CPD: variants seen among roughly 807,000 people sequenced by gnomAD.
CPD encodes the protein carboxypeptidase D.
CPD carries 69 observed loss-of-function variants against 138.3 expected under a neutral mutation model. That is an observed-to-expected ratio of 0.50 (90% CI 0.41 to 0.61). CPD has a LOEUF of 0.61. Ranked by LOEUF, CPD falls within the 20% of genes least tolerant of loss-of-function variation. The pLI, the probability that CPD is intolerant of heterozygous loss-of-function variation, is 0.00. For synonymous variants in CPD, 651 were observed against 642.1 expected, an observed-to-expected ratio of 1.01 and a Z score of -0.21; for missense variants, 1,432 against 1,733.3, an observed-to-expected ratio of 0.83 and a Z score of 3.09.
At chr17:30,386,737 TTAACA>T (rs1419899565) in intron 2 of CPD, among the ~76,000 whole-genome samples, 1 of 152,252 alleles carries the variant, frequency 6.6e-6, no homozygotes, top group South Asian at 2.1e-4. Context: ...CTTATTTTTC[TTAACA>T]TAATATTCTT....
At chr17:30,414,308 G>C (rs975643450) in intron 2 of CPD, among the ~76,000 whole-genome samples, 4 of 152,352 alleles carry the variant, frequency 2.6e-5, no homozygotes, top group African/African-American at 7.2e-5. Flanking sequence ...GGGCGCAGTG[G>C]CTCATGCCTG....
rs775935473 is a variant in CPD at position 30,422,764 on chromosome 17, A to G, written c.1398A>G (p.Val466=). The G allele has an allele frequency of 6.2e-7, 1 of 1,613,992 alleles. No homozygotes were observed. Among genetic ancestry groups the G allele is most frequent in the Non-Finnish European group, 8.5e-7 (1 of 1,179,974 alleles). Residue 466 remains valine, a synonymous_variant, in exon 5 of 21, where the codon GTA becomes GTG. Transcript: ENST00000225719. ...CTCTTAGGCCAACTGTAACTTCAGT[A>G]ATCCCTGACACGACAGAGGCTGTAT... ...DFSLRPTVTS[V]IPDTTEAVST... is the part of the protein sequence containing the mutation.
chr17:30,439,496 G>A (rs1226795659), intron 9 of CPD, among the ~76,000 whole-genome samples: 4 of 130,676 alleles, frequency 3.1e-5, no homozygotes, highest in African/African-American at 5.9e-5. Flanking sequence ...CCATGCTGGT[G>A]CGCTGCACCC....
At chr17:30,456,682 A>C in intron 17 of CPD, 156 bp downstream of exon 17, 1 of 607,990 alleles carries the variant, frequency 1.6e-6, no homozygotes, top group Non-Finnish European at 2.9e-6. Context: ...TTTCTACTAA[A>C]AATATAAAAA....
intron 2 of CPD, among the ~76,000 whole-genome samples, chr17:30,396,022 T>G (rs1911498244): frequency 6.6e-6 from 1 of 152,158 alleles, no homozygotes; most frequent in African/African-American, 2.4e-5. Context: ...TTTCCATTGA[T>G]TTGGCCCAGA....
At chr17:30,426,497 C>T (rs1597721362) in intron 6 of CPD, among the ~76,000 whole-genome samples, 1 of 152,180 alleles carries the variant, frequency 6.6e-6, no homozygotes, top group South Asian at 2.1e-4. Flanking sequence ...AGTTGGGAAC[C>T]ACAGGACCAG....
At chr17:30,421,891 T>A in intron 4 of CPD, 58 bp downstream of exon 4, 2 of 1,329,024 alleles carry the variant, frequency 1.5e-6, no homozygotes, top group Non-Finnish European at 2.1e-6. Flanking sequence ...GTTTTATATC[T>A]GAGACAGAAA....
chr17:30,400,929 G>A (rs977804113), intron 2 of CPD, among the ~76,000 whole-genome samples: 1 of 150,456 alleles, frequency 6.6e-6, no homozygotes, highest in Non-Finnish European at 1.5e-5. Flanking sequence ...CGCCCGTCTC[G>A]GCCTCCCAGA....
chr17:30,381,628 A>G lies in CPD; in HGVS notation c.746+1902A>G, dbSNP rs182528968. On this transcript the variant is annotated intron_variant, in intron 1 of 20. Transcript: ENST00000225719. ...CTGTGCTATTAACCAATAACAAAGGACACTGATATGTGAATAAAATTAAAA... is the reference window on the plus strand; with the variant it reads ...CTGTGCTATTAACCAATAACAAAGGGCACTGATATGTGAATAAAATTAAAA... Among the ~76,000 whole-genome samples the G allele has an allele frequency of 3.3e-5, 5 of 152,358 alleles. No individual in the cohort carries two copies. The East Asian group carries it at 9.6e-4, about 29-fold the overall frequency.
rs769768305 is a variant in CPD, at chr17:30,379,697, C to T, written c.717C>T (p.Arg239=). The T allele has an allele frequency of 6.6e-6, 10 of 1,508,536 alleles. No individual in the cohort carries two copies. The South Asian group carries it at 1.1e-4, about 17-fold the overall frequency. The allele number at this position is 1,508,536 out of a possible 1,614,324, so 93.4% of individuals were successfully genotyped here. A position where few individuals can be genotyped will look rare whatever the true frequency, so the allele number is the denominator to read the frequency against. The part of the protein sequence containing the change: ...PPALDEVPEV[R]ALIEWIRRNK... Reference sequence around the variant, plus strand: ...CCCTGGACGAGGTGCCCGAGGTGCGCGCCCTCATCGAGTGGATCCGCAGGA... The same window carrying T: ...CCCTGGACGAGGTGCCCGAGGTGCGTGCCCTCATCGAGTGGATCCGCAGGA... The change falls in exon 1 of 21, where the codon CGC becomes CGT. Residue 239 remains arginine (R), a synonymous_variant. Transcript: ENST00000225719. The surrounding 1 kb of genome is among the most constrained non-coding windows in gnomAD (Gnocchi z 7.0).
At position 30,445,804 on chromosome 17, in the gene CPD, G is replaced by C. The variant is rs769311641; in HGVS notation, c.2657G>C (p.Gly886Ala). 1 of 1,613,994 alleles carries C rather than the reference G, an allele frequency of 6.2e-7. No homozygotes were observed. ...DSNNESKKGK[G>A]ASSSTNDASD... ...AACAATGAATCAAAGAAAGGAAAAG[G>C]GGCTAGCAGCAGCACCAATGATGCC... The change falls in exon 12 of 21, where the codon GGG (glycine) becomes GCG (alanine). Residue 886 changes from glycine to alanine, a missense_variant. By Grantham distance (60) the Gly-to-Ala change is moderately conservative. Coordinates refer to ENST00000225719, the MANE Select transcript of CPD (RefSeq NM_001304.5).
intron 6 of CPD, among the ~76,000 whole-genome samples, chr17:30,426,089 A>G (rs1228274039): frequency 2.0e-5 from 3 of 151,630 alleles, no homozygotes; most frequent in Non-Finnish European, 4.4e-5. Flanking sequence ...AATCCCAGCT[A>G]CTCGGGAGGC....
intron 17 of CPD, 58 bp from the exon 18 acceptor site, chr17:30,461,122 T>C: frequency 7.2e-7 from 1 of 1,385,750 alleles, no homozygotes; most frequent in Non-Finnish European, 9.8e-7. Context: ...TTACAAAGCC[T>C]TATTCTTTCT....
chr17:30,438,076 T>C (rs1912754730), intron 8 of CPD, among the ~76,000 whole-genome samples: 1 of 144,876 alleles, frequency 6.9e-6, no homozygotes, highest in South Asian at 2.3e-4. Context: ...ACTTCTGAGC[T>C]CAAGCAGTTC....
At chr17:30,451,080 A>G (rs948896422) in intron 13 of CPD, among the ~76,000 whole-genome samples, 5 of 152,316 alleles carry the variant, frequency 3.3e-5, no homozygotes, top group Admixed American at 1.3e-4. Flanking sequence ...TATATCCTCA[A>G]CCCTGTGATA....
At chr17:30,455,208 G>T in intron 14 of CPD, 131 bp from the exon 15 acceptor site, 2 of 765,882 alleles carry the variant, frequency 2.6e-6, no homozygotes. Flanking sequence ...GTGGCTTATG[G>T]AGAAATAAAA....
intron 2 of CPD, among the ~76,000 whole-genome samples, chr17:30,414,784 A>G (rs1489357758): frequency 2.0e-5 from 3 of 152,202 alleles, no homozygotes; most frequent in Non-Finnish European, 4.4e-5. Context: ...TAATAGAAGA[A>G]TGAAAGTGCC....
chr17:30,392,788 TA>T (rs1405339347), intron 2 of CPD, among the ~76,000 whole-genome samples: 1 of 152,262 alleles, frequency 6.6e-6, no homozygotes, highest in Non-Finnish European at 1.5e-5. Flanking sequence ...ATGTTTCAGT[TA>T]TTTGCAGTGA....
chr17:30,426,623 C>T (rs924449183), intron 6 of CPD, among the ~76,000 whole-genome samples: 2 of 152,206 alleles, frequency 1.3e-5, no homozygotes, highest in Non-Finnish European at 2.9e-5. Context: ...ATGTTATCTA[C>T]AGGAGTAGTT....
Sources: gnomAD v4.1 joint callset for allele counts (sites outside exome capture counted in the v4.1 genomes callset) on GRCh38, gnomAD v4.1.1 for gene constraint, Gnocchi (gnomAD v3.1) non-coding constraint, MANE v1.5 for transcripts, NCBI Gene and HGNC (gene_info 2026-07-23, HGNC 2026-07-21) for gene names.